The following CRACD variants were observed in gnomAD, a reference collection of about 807,000 sequenced individuals.
The protein encoded by CRACD is capping protein inhibiting regulator of actin dynamics.
CRACD carries 56 observed loss-of-function variants against 106.8 expected under a neutral mutation model. The observed-to-expected ratio is 0.52, with a 90% confidence interval of 0.42 to 0.66. CRACD has a LOEUF of 0.66. Among genes scored for constraint, CRACD ranks in the 30% least tolerant of loss-of-function variants. The pLI is 0.00. For synonymous variants in CRACD, 754 were observed against 670.8 expected (o/e 1.12, Z -1.92); for missense variants, 1,730 against 1,623.2 (o/e 1.07, Z -1.13).
chr4:56,214,611 A>T (rs1161707325), intron 2 of CRACD, among the ~76,000 whole-genome samples: 19 of 149,950 alleles, frequency 1.3e-4, no homozygotes, highest in African/African-American at 4.7e-4. Context: ...AAAAAGAGAC[A>T]TATCGCACCA....
At chr4:56,273,265 A>T (rs897149121) in intron 3 of CRACD, among the ~76,000 whole-genome samples, 2 of 151,978 alleles carry the variant, frequency 1.3e-5, no homozygotes, top group East Asian at 3.9e-4. Context: ...GAGCCTGTTT[A>T]TGATGGAGCT....
rs766509267 is a variant in CRACD, at chr4:56,315,262, C to T, written c.1760C>T (p.Ser587Leu). ...AGCCCAGTCCAGCACGCCCTACCGT[C>T]GTCCCTGAGCGTTCCCCACACCGCC... The part of the protein sequence containing the change: ...KASPVQHALP[S>L]SLSVPHTAIL... The change falls in exon 8 of 11, where the codon TCG becomes TTG. Residue 587 changes from serine to leucine, a missense_variant. This residue lies in a region of CRACD where 1,620 missense variants were observed against 1,481.6 expected (regional missense o/e 1.09). Transcript: ENST00000682029. The surrounding 1 kb of genome is among the most constrained non-coding windows in gnomAD (Gnocchi z 4.1). The T allele has an allele frequency of 1.9e-6, 3 of 1,609,258 alleles. No homozygotes were observed. The highest frequency in any genetic ancestry group is 1.1e-5 in the South Asian group (1 of 89,976).
intron 1 of CRACD, among the ~76,000 whole-genome samples, chr4:56,078,991 A>C (rs1732934256): frequency 6.6e-6 from 1 of 152,196 alleles, no homozygotes; most frequent in Non-Finnish European, 1.5e-5. Flanking sequence ...AGTAATTCAC[A>C]TATGGAGCTC....
intron 3 of CRACD, chr4:56,288,571 T>C (rs12646681): frequency 0.32 from 48,647 of 151,774 alleles, 8,423 homozygotes; most frequent in East Asian, 0.62. Flanking sequence ...GTAGTGTATG[T>C]GCTGCTGAAG....
chr4:56,051,609 C>T (rs1023562008), intron 1 of CRACD, among the ~76,000 whole-genome samples: 1 of 152,146 alleles, frequency 6.6e-6, no homozygotes, highest in Non-Finnish European at 1.5e-5. Context: ...GCAACAATGC[C>T]AGGGACAGAA....
At chr4:56,064,286 A>T (rs1732384388) in intron 1 of CRACD, among the ~76,000 whole-genome samples, 1 of 152,134 alleles carries the variant, frequency 6.6e-6, no homozygotes, top group African/African-American at 2.4e-5. Context: ...TCCATTCTGT[A>T]GGTTGTCTTT....
intron 1 of CRACD, among the ~76,000 whole-genome samples, chr4:56,148,528 A>C (rs990279271): frequency 9.9e-5 from 15 of 152,016 alleles, no homozygotes; most frequent in Admixed American, 9.8e-4. Flanking sequence ...TCCTGGCCTT[A>C]AGCAGTCCCC....
intron 3 of CRACD, among the ~76,000 whole-genome samples, chr4:56,272,866 T>C (rs1205377671): frequency 6.9e-6 from 1 of 144,050 alleles, no homozygotes; most frequent in Non-Finnish European, 1.5e-5. Flanking sequence ...GCCACTGCAC[T>C]CCAGCCTGGG....
chr4:56,078,753 C>T (rs913565732), intron 1 of CRACD, among the ~76,000 whole-genome samples: 5 of 152,276 alleles, frequency 3.3e-5, no homozygotes, highest in Middle Eastern at 3.4e-3. Context: ...TCACTTTTCC[C>T]TTGAGTCTCC....
chr4:56,053,083 A>T (rs1731928135), intron 1 of CRACD, among the ~76,000 whole-genome samples: 1 of 152,222 alleles, frequency 6.6e-6, no homozygotes, highest in African/African-American at 2.4e-5. Context: ...TTTATTGAGC[A>T]TCCAAAGGTT....
intron 1 of CRACD, among the ~76,000 whole-genome samples, chr4:56,093,106 T>A (rs893596883): frequency 2.0e-5 from 3 of 152,220 alleles, no homozygotes; most frequent in Non-Finnish European, 2.9e-5. Context: ...TTTGTTTTTC[T>A]TTGGCAGTTT....
At chr4:56,232,286 A>G (rs989530895) in intron 2 of CRACD, among the ~76,000 whole-genome samples, 5 of 152,106 alleles carry the variant, frequency 3.3e-5, no homozygotes, top group African/African-American at 1.2e-4. Flanking sequence ...AGATTCCTCT[A>G]TGTTATAGCA....
intron 1 of CRACD, among the ~76,000 whole-genome samples, chr4:56,170,917 G>A (rs1736336757): frequency 6.6e-6 from 1 of 152,132 alleles, no homozygotes; most frequent in South Asian, 2.1e-4. Context: ...AGGATAATTG[G>A]CTGAATTAAT....
chr4:56,102,860 C>G (rs1192820816), intron 1 of CRACD, among the ~76,000 whole-genome samples: 1 of 152,194 alleles, frequency 6.6e-6, no homozygotes, highest in East Asian at 1.9e-4. Flanking sequence ...TCTGTCTGAG[C>G]TCTCCCTCTT....
At chr4:56,257,700 G>A (rs1011380424) in intron 2 of CRACD, among the ~76,000 whole-genome samples, 1 of 152,016 alleles carries the variant, frequency 6.6e-6, no homozygotes, top group African/African-American at 2.4e-5. Flanking sequence ...TCTCTTGTGG[G>A]GGCAACATAG....
chr4:56,243,946 TG>T (rs1329307416), intron 2 of CRACD, among the ~76,000 whole-genome samples: 1 of 152,192 alleles, frequency 6.6e-6, no homozygotes, highest in Non-Finnish European at 1.5e-5. Flanking sequence ...TCCTGGCCTC[TG>T]GAACCATGCT....
chr4:56,057,345 G>A (rs1732109418), intron 1 of CRACD, among the ~76,000 whole-genome samples: 1 of 152,200 alleles, frequency 6.6e-6, no homozygotes, highest in Non-Finnish European at 1.5e-5. Flanking sequence ...TGCAAGATCT[G>A]TGCCTAAGCC....
chr4:56,180,095 A>G (rs1560473914), intron 2 of CRACD, among the ~76,000 whole-genome samples: 1 of 152,052 alleles, frequency 6.6e-6, no homozygotes, highest in Non-Finnish European at 1.5e-5. Context: ...CTTGTGTCTC[A>G]TGGTGCTTTT....
At chr4:56,059,125 T>A (rs1732183889) in intron 1 of CRACD, among the ~76,000 whole-genome samples, 1 of 152,198 alleles carries the variant, frequency 6.6e-6, no homozygotes. Flanking sequence ...AGTAACTGTG[T>A]CCTTTGTTTT....
Sources: gnomAD v4.1 joint callset for allele counts (sites outside exome capture counted in the v4.1 genomes callset) on GRCh38, gnomAD v4.1.1 for gene constraint, gnomAD v4.1.1 regional missense constraint, Gnocchi (gnomAD v3.1) non-coding constraint, MANE v1.5 for transcripts, NCBI Gene and HGNC (gene_info 2026-07-23, HGNC 2026-07-21) for gene names.